The following RBFOX1 variants were observed in gnomAD, a reference collection of about 807,000 sequenced individuals.
RBFOX1 encodes the protein RNA binding protein fox-1 homolog 1.
RBFOX1 carries 8 observed loss-of-function variants against 57.7 expected under a neutral mutation model. The ratio of observed to expected loss-of-function variants is 0.14; its 90% confidence interval spans 0.08 to 0.25. RBFOX1 has a LOEUF of 0.25. Among genes scored for constraint, RBFOX1 ranks in the 10% least tolerant of loss-of-function variants. The pLI, the probability that RBFOX1 is intolerant of heterozygous loss-of-function variation, is 1.00. For synonymous variants in RBFOX1, 326 were observed against 222.4 expected (o/e 1.47, Z -4.15); for missense variants, 611 against 548.5 (o/e 1.11, Z -1.14).
chr16:7,432,969 T>C (rs899739821), intron 4 of RBFOX1, among the ~76,000 whole-genome samples: 1 of 152,260 alleles, frequency 6.6e-6, no homozygotes, highest in Non-Finnish European at 1.5e-5. Flanking sequence ...AAGACTTCTC[T>C]GCAGCTTCTG....
intron 1 of RBFOX1, among the ~76,000 whole-genome samples, chr16:6,025,893 A>T (rs1358496081): frequency 6.6e-6 from 1 of 152,164 alleles, no homozygotes; most frequent in Non-Finnish European, 1.5e-5. Flanking sequence ...ATTGCCTATT[A>T]TATGTGACAT....
At chr16:5,858,704 G>C (rs1339340047) in intron 3 of RBFOX1, among the ~76,000 whole-genome samples, 3 of 152,224 alleles carry the variant, frequency 2.0e-5, no homozygotes, top group Admixed American at 2.0e-4. Flanking sequence ...AATTTTAAGA[G>C]ACATTTATTC....
intron 4 of RBFOX1, among the ~76,000 whole-genome samples, chr16:7,139,186 G>GTGTGTGTA (rs1310766485): frequency 8.6e-6 from 1 of 116,340 alleles, no homozygotes; most frequent in Admixed American, 8.0e-5. Context: ...CTGTGTGTGT[G>GTGTGTGTA]TGTGTGTGTG....
intron 3 of RBFOX1, among the ~76,000 whole-genome samples, chr16:5,853,303 A>G (rs11643091): frequency 0.17 from 26,461 of 152,122 alleles, 2,853 homozygotes; most frequent in Non-Finnish European, 0.24. Flanking sequence ...GCCAGGGGAA[A>G]TTATGGAAAG....
At chr16:7,089,352 T>C (rs2060462118) in intron 4 of RBFOX1, among the ~76,000 whole-genome samples, 1 of 152,268 alleles carries the variant, frequency 6.6e-6, no homozygotes, top group Admixed American at 6.5e-5. Context: ...TTTTTGACAG[T>C]GGAGGTTGAA....
chr16:6,414,118 G>C (rs2152976494), intron 2 of RBFOX1, among the ~76,000 whole-genome samples: 1 of 152,250 alleles, frequency 6.6e-6, no homozygotes, highest in East Asian at 1.9e-4. Context: ...CCTCCCAAGA[G>C]AGCCAGCACA....
chr16:5,652,591 C>T (rs552945444), intron 3 of RBFOX1, among the ~76,000 whole-genome samples: 19 of 152,332 alleles, frequency 1.2e-4, no homozygotes, highest in African/African-American at 4.3e-4. Context: ...CTCCAGAAGT[C>T]TTTGCACGTC....
chr16:5,890,796 A>G (rs2058028453), intron 4 of RBFOX1, among the ~76,000 whole-genome samples: 1 of 151,016 alleles, frequency 6.6e-6, no homozygotes, highest in Non-Finnish European at 1.5e-5. Flanking sequence ...CCATATTGCC[A>G]TTTAGGATGA....
intron 3 of RBFOX1, among the ~76,000 whole-genome samples, chr16:6,800,158 G>A (rs549900776): frequency 6.6e-6 from 1 of 152,020 alleles, no homozygotes; most frequent in Non-Finnish European, 1.5e-5. Flanking sequence ...CAATTTCTTT[G>A]CGACATCCAG....
chr16:7,372,946 T>C (rs1568476079), intron 4 of RBFOX1, among the ~76,000 whole-genome samples: 1 of 151,974 alleles, frequency 6.6e-6, no homozygotes, highest in Non-Finnish European at 1.5e-5. Context: ...ATTTTTTTTT[T>C]TTTGAGATGG....
rs139677221 is a variant in RBFOX1 at position 6,869,348 on chromosome 16, C to G, written c.-15-182709C>G. ...GAAATGGGCTCAGAGGGTCACTGTT[C>G]ACAAATCCCATAGTTGTAGGTAGAG... On this transcript the variant is annotated intron_variant, in intron 3 of 15. Coordinates refer to ENST00000550418, the MANE Select transcript of RBFOX1 (RefSeq NM_018723.4). Among the ~76,000 whole-genome samples, 148 of 152,256 alleles carry G rather than the reference C, an allele frequency of 9.7e-4. 1 individual carries two copies. The highest frequency in any genetic ancestry group is 3.1e-3 in the African/African-American group (130 of 41,536).
intron 3 of RBFOX1, among the ~76,000 whole-genome samples, chr16:6,728,179 C>T (rs2067684237): frequency 2.6e-5 from 4 of 152,174 alleles, no homozygotes; most frequent in Admixed American, 2.6e-4. Flanking sequence ...AAAATTACTT[C>T]AAGCAGTGTC....
chr16:6,815,812 G>A (rs2089944549), intron 3 of RBFOX1, among the ~76,000 whole-genome samples: 1 of 152,076 alleles, frequency 6.6e-6, no homozygotes, highest in African/African-American at 2.4e-5. Flanking sequence ...GCTCTTAATA[G>A]TTACTTTAAG....
intron 4 of RBFOX1, among the ~76,000 whole-genome samples, chr16:7,116,993 C>T (rs1333604475): frequency 6.6e-6 from 1 of 152,012 alleles, no homozygotes; most frequent in African/African-American, 2.4e-5. Context: ...TTTGTTTCCT[C>T]TGAGATACGT....
intron 3 of RBFOX1, among the ~76,000 whole-genome samples, chr16:6,701,561 G>T (rs1418866886): frequency 6.6e-6 from 1 of 152,182 alleles, no homozygotes. Context: ...ATTTCTGGTG[G>T]AAGGTGAAGG....
At chr16:7,371,624 C>T (rs1210368167) in intron 4 of RBFOX1, among the ~76,000 whole-genome samples, 1 of 152,112 alleles carries the variant, frequency 6.6e-6, no homozygotes, top group Non-Finnish European at 1.5e-5. Flanking sequence ...GTGGCAGGCG[C>T]CTATAATCCC....
At chr16:7,010,187 C>T (rs758454479) in intron 3 of RBFOX1, among the ~76,000 whole-genome samples, 5 of 152,222 alleles carry the variant, frequency 3.3e-5, no homozygotes, top group Non-Finnish European at 7.3e-5. Flanking sequence ...CTATGAGGGT[C>T]CCTTATACAT....
intron 3 of RBFOX1, among the ~76,000 whole-genome samples, chr16:6,784,716 C>T (rs111909491): frequency 6.6e-6 from 1 of 150,876 alleles, no homozygotes; most frequent in Admixed American, 6.6e-5. Flanking sequence ...TATAAAGGTG[C>T]TTTATTGTGT....
chr16:5,527,412 G>A (rs927236713), intron 2 of RBFOX1, among the ~76,000 whole-genome samples: 4 of 152,182 alleles, frequency 2.6e-5, no homozygotes, highest in African/African-American at 9.7e-5. Flanking sequence ...GGTGAGGATG[G>A]CAATCTTAGA....
Sources: gnomAD v4.1 joint callset for allele counts (sites outside exome capture counted in the v4.1 genomes callset) on GRCh38, gnomAD v4.1.1 for gene constraint, MANE v1.5 for transcripts, NCBI Gene and HGNC (gene_info 2026-07-23, HGNC 2026-07-21) for gene names.